The following CDH13 variants were observed in gnomAD, a reference collection of about 807,000 sequenced individuals.
The protein encoded by CDH13 is cadherin-13.
CDH13 carries 24 observed loss-of-function variants against 63.8 expected under a neutral mutation model. The observed-to-expected ratio is 0.38, with a 90% CI of 0.27 to 0.53. The LOEUF is 0.53. Among genes scored for constraint, CDH13 ranks in the 20% least tolerant of loss-of-function variants. The pLI is 0.85. For synonymous variants in CDH13, 503 were observed against 355.3 expected, an observed-to-expected ratio of 1.42 and a Z score of -4.67; for missense variants, 1,049 against 903.1, an observed-to-expected ratio of 1.16 and a Z score of -2.07.
Position 83,798,406 on chromosome 16 carries a change from T to C in CDH13, c.*3376T>C, listed in dbSNP as rs1196404832. 1.3e-5 allele frequency: 2 copies of C among 152,174 alleles called. No homozygotes were observed. The highest frequency in any genetic ancestry group is 2.9e-5 in the Non-Finnish European group (2 of 68,044). The allele number at this position is 152,174 out of a possible 1,614,324, so 9.4% of individuals were successfully genotyped here. On this transcript the variant is annotated 3_prime_UTR_variant, in exon 14 of 14. Transcript: ENST00000567109. The stretch of plus-strand genomic sequence containing the variant: ...AGGTGATTAATAATTATAATAATGG[T>C]TTATATTTATCAACTGCTTATTATG...
intron 8 of CDH13, among the ~76,000 whole-genome samples, chr16:83,613,190 C>G (rs1302801921): frequency 6.6e-6 from 1 of 152,144 alleles, no homozygotes; most frequent in African/African-American, 2.4e-5. Flanking sequence ...TTGAAAGAAA[C>G]GTGTCTCTTT....
intron 10 of CDH13, among the ~76,000 whole-genome samples, chr16:83,690,459 G>C (rs796575324): frequency 4.6e-5 from 7 of 152,280 alleles, no homozygotes; most frequent in African/African-American, 1.4e-4. Context: ...GGAAGGCCCC[G>C]AGGCAGAGTG....
At chr16:83,220,450 G>C (rs371676980) in intron 5 of CDH13, among the ~76,000 whole-genome samples, 2 of 152,110 alleles carry the variant, frequency 1.3e-5, no homozygotes, top group Admixed American at 6.5e-5. Flanking sequence ...CTTCAAAGAG[G>C]AGAATCCTGG....
intron 1 of CDH13, among the ~76,000 whole-genome samples, chr16:82,770,566 T>C (rs1042461977): frequency 5.3e-5 from 8 of 152,240 alleles, no homozygotes; most frequent in Admixed American, 5.2e-4. Flanking sequence ...TATTCAATCA[T>C]TATGCTTTGA....
intron 5 of CDH13, among the ~76,000 whole-genome samples, chr16:83,252,575 C>A (rs567322149): frequency 6.6e-6 from 1 of 152,086 alleles, no homozygotes; most frequent in Non-Finnish European, 1.5e-5. Flanking sequence ...TGACATGTTG[C>A]AAGCAGTTGT....
intron 2 of CDH13, among the ~76,000 whole-genome samples, chr16:83,019,647 C>T (rs770722845): frequency 3.9e-4 from 59 of 151,704 alleles, no homozygotes; most frequent in Admixed American, 1.6e-3. Flanking sequence ...AGGCACCAGC[C>T]ACCCCACCCA....
intron 8 of CDH13, among the ~76,000 whole-genome samples, chr16:83,628,953 A>T (rs1465833174): frequency 6.6e-6 from 1 of 152,256 alleles, no homozygotes. Flanking sequence ...TTGCACCAAT[A>T]TCAAACATAA....
intron 9 of CDH13, among the ~76,000 whole-genome samples, chr16:83,672,407 CTCTTTTTTTTTTTT>C (rs1236246616): frequency 0.019 from 1,058 of 55,172 alleles, 14 homozygotes; most frequent in Non-Finnish European, 0.031. Flanking sequence ...TCTCTGGATT[CTCTTTTTTTTTTTT>C]TTTTTTTTTT....
intron 5 of CDH13, among the ~76,000 whole-genome samples, chr16:83,289,635 C>T (rs1367655963): frequency 6.6e-6 from 1 of 152,088 alleles, no homozygotes; most frequent in Non-Finnish European, 1.5e-5. Context: ...TCTAAGGGCA[C>T]ATTCACCCCA....
intron 8 of CDH13, among the ~76,000 whole-genome samples, chr16:83,622,227 G>C (rs748719722): frequency 1.3e-5 from 2 of 152,144 alleles, no homozygotes; most frequent in East Asian, 3.9e-4. Flanking sequence ...GGCACAGAGA[G>C]GTTTAGGACG....
At chr16:83,205,015 C>A (rs1356412247) in intron 4 of CDH13, among the ~76,000 whole-genome samples, 1 of 152,240 alleles carries the variant, frequency 6.6e-6, no homozygotes, top group African/African-American at 2.4e-5. Flanking sequence ...AGGAAGAACA[C>A]TGCTGTGTGC....
At chr16:82,874,969 C>T (rs1392699202) in intron 2 of CDH13, among the ~76,000 whole-genome samples, 3 of 152,142 alleles carry the variant, frequency 2.0e-5, no homozygotes, top group African/African-American at 7.2e-5. Flanking sequence ...CCAAAAGGGA[C>T]ATGGAGGCCA....
At chr16:82,628,276 C>G (rs560126062) in intron 1 of CDH13, among the ~76,000 whole-genome samples, 1 of 152,070 alleles carries the variant, frequency 6.6e-6, no homozygotes, top group South Asian at 2.1e-4. Flanking sequence ...CAGGGCCGGG[C>G]AGAGTAAGGA....
chr16:82,983,009 G>T (rs1025649394), intron 2 of CDH13, among the ~76,000 whole-genome samples: 1 of 152,150 alleles, frequency 6.6e-6, no homozygotes. Context: ...CAGGGAACAC[G>T]ACTGACATGT....
At chr16:83,693,245 G>A (rs1905074643) in intron 10 of CDH13, among the ~76,000 whole-genome samples, 1 of 152,176 alleles carries the variant, frequency 6.6e-6, no homozygotes, top group Non-Finnish European at 1.5e-5. Context: ...GAAACATGGG[G>A]AGGAATAGTA....
At chr16:82,688,214 G>A (rs572564549) in intron 1 of CDH13, among the ~76,000 whole-genome samples, 14 of 152,322 alleles carry the variant, frequency 9.2e-5, no homozygotes, top group South Asian at 2.1e-4. Context: ...TAGCCTGGCA[G>A]CAACTGCTAC....
At chr16:83,021,115 C>A (rs775659155) in intron 2 of CDH13, among the ~76,000 whole-genome samples, 1 of 152,164 alleles carries the variant, frequency 6.6e-6, no homozygotes, top group South Asian at 2.1e-4. Context: ...CTCAAACTTG[C>A]TGAATCCATG....
intron 5 of CDH13, among the ~76,000 whole-genome samples, chr16:83,296,210 C>T (rs769496279): frequency 1.3e-5 from 2 of 152,148 alleles, no homozygotes; most frequent in Non-Finnish European, 2.9e-5. Context: ...CTTTGTGCTT[C>T]TCTGTCCTTA....
At chr16:83,789,772 C>G (rs75233841) in intron 13 of CDH13, among the ~76,000 whole-genome samples, 6,866 of 152,248 alleles carry the variant, frequency 0.045, 193 homozygotes, top group Middle Eastern at 0.065. Context: ...TCAGCAAACT[C>G]TAAGACACAG....
Sources: gnomAD v4.1 joint callset for allele counts (sites outside exome capture counted in the v4.1 genomes callset) on GRCh38, gnomAD v4.1.1 for gene constraint, MANE v1.5 for transcripts, NCBI Gene and HGNC (gene_info 2026-07-23, HGNC 2026-07-21) for gene names.